Variants in ZNF131 observed in about 807,000 individuals in gnomAD.
ZNF131 encodes the protein zinc finger and BTB domain containing 35, also known as zinc finger protein 131.
ZNF131 carries 7 observed loss-of-function variants against 60.0 expected under a neutral mutation model. The observed-to-expected ratio is 0.12, with a 90% CI of 0.07 to 0.22. ZNF131 has a LOEUF of 0.22. Among genes scored for constraint, ZNF131 ranks in the 10% least tolerant of loss-of-function variants. ZNF131 has a pLI of 1.00. For synonymous variants in ZNF131, 257 were observed against 253.2 expected, an observed-to-expected ratio of 1.01 and a Z score of -0.14; for missense variants, 493 against 740.9, an observed-to-expected ratio of 0.67 and a Z score of 3.88.
intron 5 of ZNF131, among the ~76,000 whole-genome samples, chr5:43,163,762 T>C (rs1262476150): frequency 6.6e-6 from 1 of 152,258 alleles, no homozygotes; most frequent in Non-Finnish European, 1.5e-5. Context: ...TAAGGCTGTT[T>C]AGACTGTTAA....
intron 4 of ZNF131, among the ~76,000 whole-genome samples, chr5:43,160,769 C>T (rs1322430059): frequency 1.3e-5 from 2 of 150,936 alleles, no homozygotes; most frequent in Non-Finnish European, 2.9e-5. Context: ...CCCCAACCTC[C>T]GCCTCCTGGG....
At chr5:43,129,089 T>C (rs182551901) in intron 3 of ZNF131, among the ~76,000 whole-genome samples, 1 of 152,190 alleles carries the variant, frequency 6.6e-6, no homozygotes, top group Admixed American at 6.5e-5. Flanking sequence ...CCCACCACCA[T>C]GCCCAGCTAA....
chr5:43,165,759 A>G (rs532120140), intron 5 of ZNF131, among the ~76,000 whole-genome samples: 1 of 152,334 alleles, frequency 6.6e-6, no homozygotes, highest in South Asian at 2.1e-4. Flanking sequence ...AGCTCCCAAC[A>G]AGAAAGTTAT....
chr5:43,144,489 C>T (rs535508805), intron 4 of ZNF131, among the ~76,000 whole-genome samples: 23 of 152,202 alleles, frequency 1.5e-4, no homozygotes, highest in Middle Eastern at 6.8e-3. Context: ...CTTGACCTCC[C>T]AAAGTACTGG....
chr5:43,122,400 C>G (rs1286256703), intron 2 of ZNF131, among the ~76,000 whole-genome samples: 2 of 152,160 alleles, frequency 1.3e-5, no homozygotes, highest in African/African-American at 2.4e-5. Context: ...TCCACGTAGT[C>G]TGGTGTTCAT....
At chr5:43,128,430 C>T (rs555862601) in intron 3 of ZNF131, among the ~76,000 whole-genome samples, 37 of 151,668 alleles carry the variant, frequency 2.4e-4, no homozygotes, top group Admixed American at 1.2e-3. Flanking sequence ...GCCGAGCGGG[C>T]GGATCATGAG....
At position 43,170,793 on chromosome 5, in the gene ZNF131, C is replaced by T. The variant is rs544522319; in HGVS notation, c.1055-2525C>T. On this transcript the variant is annotated intron_variant, in intron 5 of 6. Transcript: ENST00000682664. ...GACTACAGGCGCCTGCCACCATGCCCAGCTAATTTTTTTTTTTTTTTTTAG... is the reference window on the plus strand; with the variant it reads ...GACTACAGGCGCCTGCCACCATGCCTAGCTAATTTTTTTTTTTTTTTTTAG... Among the ~76,000 whole-genome samples the T allele has an allele frequency of 6.8e-5, 8 of 118,136 alleles. No individual in the cohort carries two copies. The South Asian group carries it at 2.7e-3, about 40-fold the overall frequency. 77.5% of individuals were successfully genotyped at this position (118,136 alleles called of 152,430 possible).
Position 43,161,907 on chromosome 5 carries a change from A to G in ZNF131, c.1030A>G (p.Lys344Glu). The G allele has an allele frequency of 6.3e-7, 1 of 1,595,710 alleles. No homozygotes were observed. The highest frequency in any genetic ancestry group is 8.5e-7 in the Non-Finnish European group (1 of 1,171,492). ...ACAGTTTGACCATTTTGGACATTTT[A>G]AAGAACATCTTCGAAAACATACAGG... is the stretch of plus-strand genomic sequence containing the variant. ...EKQFDHFGHF[K>E]EHLRKHTGEK... Residue 344 changes from lysine (K) to glutamate (E), a missense_variant, in exon 5 of 7, where the codon AAA (lysine) becomes GAA (glutamate). Lys to Glu is a moderately conservative substitution (Grantham distance 56). This residue lies in a region of ZNF131 where 6 missense variants were observed against 54.9 expected (regional missense o/e 0.11). Transcript: ENST00000682664.
At chr5:43,148,413 G>A (rs1561418763) in intron 4 of ZNF131, among the ~76,000 whole-genome samples, 2 of 152,198 alleles carry the variant, frequency 1.3e-5, no homozygotes, top group Non-Finnish European at 2.9e-5. Context: ...TTACATATTT[G>A]TGTGCAACAC....
At chr5:43,172,466 C>CA (rs925964987) in intron 5 of ZNF131, among the ~76,000 whole-genome samples, 83 of 152,142 alleles carry the variant, frequency 5.5e-4, no homozygotes, top group African/African-American at 2.0e-3. Context: ...ACTAAAGATA[C>CA]AAAAAAATAG....
At chr5:43,163,224 A>C (rs1579880240) in intron 5 of ZNF131, among the ~76,000 whole-genome samples, 2 of 152,042 alleles carry the variant, frequency 1.3e-5, no homozygotes, top group East Asian at 3.9e-4. Flanking sequence ...GTGATCCGCT[A>C]GCCTCGGCCT....
At chr5:43,130,352 A>G (rs1452546273) in intron 3 of ZNF131, among the ~76,000 whole-genome samples, 2 of 151,494 alleles carry the variant, frequency 1.3e-5, no homozygotes, top group East Asian at 3.9e-4. Context: ...TTGATTCAGT[A>G]TGGTGGTGAG....
At chr5:43,173,212 G>A in intron 5 of ZNF131, 106 bp from the exon 6 acceptor site, 2 of 1,163,024 alleles carry the variant, frequency 1.7e-6, no homozygotes, top group Non-Finnish European at 2.3e-6. Context: ...TCTCCTTTTA[G>A]GAATTTAGTA....
chr5:43,152,553 C>T (rs1748456381), intron 4 of ZNF131, among the ~76,000 whole-genome samples: 1 of 152,104 alleles, frequency 6.6e-6, no homozygotes, highest in African/African-American at 2.4e-5. Flanking sequence ...TGCAACTGAG[C>T]ATTTTTCTTA....
At chr5:43,147,632 G>A (rs1364939788) in intron 4 of ZNF131, among the ~76,000 whole-genome samples, 1 of 151,122 alleles carries the variant, frequency 6.6e-6, no homozygotes, top group Non-Finnish European at 1.5e-5. Flanking sequence ...ATCTTGGCCA[G>A]GCTGTTTCTT....
At chr5:43,169,491 C>T (rs189639743) in intron 5 of ZNF131, among the ~76,000 whole-genome samples, 29 of 152,318 alleles carry the variant, frequency 1.9e-4, no homozygotes, top group Admixed American at 5.2e-4. Flanking sequence ...CGCTCAGGTA[C>T]GCATGCTTTT....
chr5:43,171,809 G>A (rs1010344762), intron 5 of ZNF131, among the ~76,000 whole-genome samples: 4 of 151,982 alleles, frequency 2.6e-5, no homozygotes, highest in Admixed American at 6.6e-5. Context: ...TGGTAGAGTC[G>A]GAGATTCGCA....
intron 3 of ZNF131, among the ~76,000 whole-genome samples, chr5:43,134,434 C>T (rs1011398739): frequency 6.6e-6 from 1 of 152,084 alleles, no homozygotes; most frequent in Non-Finnish European, 1.5e-5. Context: ...ACTTTTTTCT[C>T]TAAGATCAAG....
At chr5:43,159,189 C>A (rs909455387) in intron 4 of ZNF131, among the ~76,000 whole-genome samples, 1 of 152,046 alleles carries the variant, frequency 6.6e-6, no homozygotes, top group East Asian at 1.9e-4. Flanking sequence ...ACCTGCCTAA[C>A]GTTTTTTCCA....
Sources: allele counts gnomAD v4.1 joint callset (sites outside exome capture counted in the v4.1 genomes callset), GRCh38; gene constraint gnomAD v4.1.1; regional missense constraint gnomAD v4.1.1; transcripts MANE v1.5; gene names NCBI Gene and HGNC (gene_info 2026-07-23, HGNC 2026-07-21).